Variants in CABLES1 observed in about 807,000 individuals in gnomAD.
CABLES1 encodes CDK5 and ABL1 enzyme substrate 1.
CABLES1 carries 36 observed loss-of-function variants against 57.8 expected under a neutral mutation model. The observed-to-expected ratio is 0.62, with a 90% CI of 0.48 to 0.82. The LOEUF (loss-of-function observed/expected upper bound fraction) is 0.82, where lower values mean the gene tolerates loss of function less well. CABLES1 is among the 40% of genes least tolerant of loss of function. CABLES1 has a pLI of 0.00. For missense variants in CABLES1, 767 were observed against 836.6 expected (o/e 0.92, Z 1.03); for synonymous variants, 374 against 363.0 (o/e 1.03, Z -0.35).
chr18:23,204,328 T>A (rs2047347176), intron 3 of CABLES1: 1 of 152,208 alleles, frequency 6.6e-6, no homozygotes, highest in Admixed American at 6.5e-5. Flanking sequence ...TGCATGAGGC[T>A]TTTGAGATAA....
chr18:23,226,209 C>T lies in CABLES1; in HGVS notation c.1089-8399C>T, dbSNP rs368073894. 2.0e-5 allele frequency among the ~76,000 whole-genome samples: 3 copies of T among 152,182 alleles called. No individual in the cohort carries two copies. In the South Asian group the frequency reaches 6.2e-4, roughly 32 times the overall value. ...ACAAGGTCAGGAGTTCAAGACCAGC[C>T]TGGCCAACATAGTGACACCCCATCT... is the stretch of plus-strand genomic sequence containing the variant. On this transcript the variant is annotated intron_variant, in intron 4 of 9. Transcript: ENST00000256925.
intron 1 of CABLES1, among the ~76,000 whole-genome samples, chr18:23,152,218 C>A (rs1354895757): frequency 6.6e-6 from 1 of 152,064 alleles, no homozygotes; most frequent in Non-Finnish European, 1.5e-5. Flanking sequence ...CATAGTGAAA[C>A]CCTGTCTTTA....
At chr18:23,234,011 G>A (rs1249001480) in intron 4 of CABLES1, among the ~76,000 whole-genome samples, 4 of 152,144 alleles carry the variant, frequency 2.6e-5, no homozygotes, top group Admixed American at 2.0e-4. Context: ...GAGGTCAGGA[G>A]TTTGAGACCA....
chr18:23,144,221 T>A (rs1023750901), intron 1 of CABLES1, among the ~76,000 whole-genome samples: 2 of 152,218 alleles, frequency 1.3e-5, no homozygotes, highest in Non-Finnish European at 2.9e-5. Context: ...TCCTCCGTGG[T>A]CTGGTCAGAG....
chr18:23,190,466 T>C (rs1323837284), intron 2 of CABLES1: 1 of 152,208 alleles, frequency 6.6e-6, no homozygotes, highest in Admixed American at 6.5e-5. Flanking sequence ...CAGGCAGGGC[T>C]GTTGAGCCTC....
At chr18:23,144,880 A>G (rs2144953017) in intron 1 of CABLES1, among the ~76,000 whole-genome samples, 1 of 151,038 alleles carries the variant, frequency 6.6e-6, no homozygotes, top group African/African-American at 2.4e-5. Context: ...CCTTCCAGAG[A>G]GTTGGTTATC....
At chr18:23,183,883 C>T (rs1371238927) in intron 1 of CABLES1, among the ~76,000 whole-genome samples, 1 of 152,164 alleles carries the variant, frequency 6.6e-6, no homozygotes, top group Non-Finnish European at 1.5e-5. Flanking sequence ...TGGCCGCCCG[C>T]CCTGAGGCTT....
chr18:23,153,069 G>C (rs538390113), intron 1 of CABLES1, among the ~76,000 whole-genome samples: 8 of 151,904 alleles, frequency 5.3e-5, no homozygotes, highest in South Asian at 2.1e-4. Context: ...TGAAGTGCTG[G>C]GATTACAGGC....
At chr18:23,251,433 A>G (rs1304044784) in intron 7 of CABLES1, among the ~76,000 whole-genome samples, 1 of 152,150 alleles carries the variant, frequency 6.6e-6, no homozygotes, top group Admixed American at 6.5e-5. Flanking sequence ...CTTGGGCAAC[A>G]GAGCATGACT....
At chr18:23,166,666 G>C (rs2044645749) in intron 1 of CABLES1, among the ~76,000 whole-genome samples, 1 of 152,194 alleles carries the variant, frequency 6.6e-6, no homozygotes. Flanking sequence ...ACACAGGTGG[G>C]TTAGGTTCTG....
intron 4 of CABLES1, among the ~76,000 whole-genome samples, chr18:23,233,165 G>T (rs1432738559): frequency 1.3e-5 from 2 of 152,138 alleles, no homozygotes; most frequent in Non-Finnish European, 2.9e-5. Flanking sequence ...AATCGCCTGG[G>T]GAGTGTTTAA....
At chr18:23,134,748 T>C (rs2046804883), upstream of CABLES1, 1 of 152,176 alleles carries the variant, frequency 6.6e-6, no homozygotes, top group Non-Finnish European at 1.5e-5. Context: ...ATTTGCGTTG[T>C]CCTTTGCTAA....
At chr18:23,161,574 C>T (rs545849175) in intron 1 of CABLES1, among the ~76,000 whole-genome samples, 61 of 149,990 alleles carry the variant, frequency 4.1e-4, no homozygotes, top group African/African-American at 1.5e-3. Flanking sequence ...AGTTTGAGGC[C>T]TAACATACGT....
intron 3 of CABLES1, among the ~76,000 whole-genome samples, chr18:23,195,944 G>A (rs1348252115): frequency 1.3e-5 from 2 of 152,144 alleles, no homozygotes; most frequent in Admixed American, 1.3e-4. Flanking sequence ...CATAAATGTA[G>A]AAAGCCTTTA....
At chr18:23,201,194 T>C (rs1339766855) in intron 3 of CABLES1, among the ~76,000 whole-genome samples, 1 of 152,214 alleles carries the variant, frequency 6.6e-6, no homozygotes, top group Admixed American at 6.5e-5. Flanking sequence ...AGGATACAGA[T>C]TTTTTAGTAC....
At chr18:23,211,223 G>A (rs1431835676) in intron 3 of CABLES1, among the ~76,000 whole-genome samples, 2 of 152,148 alleles carry the variant, frequency 1.3e-5, no homozygotes, top group African/African-American at 4.8e-5. Context: ...CAAACTTAGT[G>A]TGTGGGAAGG....
At chr18:23,156,775 C>T (rs2046968940) in intron 1 of CABLES1, among the ~76,000 whole-genome samples, 1 of 152,174 alleles carries the variant, frequency 6.6e-6, no homozygotes, top group South Asian at 2.1e-4. Context: ...CTGAATAAGG[C>T]TTCTTGAACA....
At chr18:23,191,205 C>G (rs1037309039) in intron 2 of CABLES1, among the ~76,000 whole-genome samples, 3 of 151,908 alleles carry the variant, frequency 2.0e-5, no homozygotes, top group African/African-American at 4.8e-5. Context: ...GAGCTATGCT[C>G]AACACTGCAC....
At chr18:23,143,208 C>T (rs2046868273) in intron 1 of CABLES1, among the ~76,000 whole-genome samples, 1 of 152,178 alleles carries the variant, frequency 6.6e-6, no homozygotes, top group Non-Finnish European at 1.5e-5. Context: ...CATTTGGGCC[C>T]AGAGGACAGG....
Sources: allele counts gnomAD v4.1 joint callset (sites outside exome capture counted in the v4.1 genomes callset), GRCh38; gene constraint gnomAD v4.1.1; transcripts MANE v1.5; gene names NCBI Gene and HGNC (gene_info 2026-07-23, HGNC 2026-07-21).